The following PTPRT variants were observed in gnomAD, a reference collection of about 807,000 sequenced individuals.
The protein encoded by PTPRT is protein tyrosine phosphatase receptor type T.
Under a neutral mutation model 176.8 loss-of-function variants are expected in PTPRT, and 56 were observed. The observed-to-expected ratio is 0.32, with a 90% CI of 0.26 to 0.40. The LOEUF is 0.40. PTPRT is among the 10% of genes least tolerant of loss of function. The probability of loss-of-function intolerance (pLI) is 1.00; values close to 1 mark genes in which losing one functional copy is unlikely to be tolerated. For synonymous variants in PTPRT, 783 were observed against 739.0 expected, an observed-to-expected ratio of 1.06 and a Z score of -0.96; for missense variants, 1,540 against 1,908.2, an observed-to-expected ratio of 0.81 and a Z score of 3.60.
At chr20:42,072,003 G>A (rs1324689930), downstream of PTPRT, among the ~76,000 whole-genome samples, 1 of 152,206 alleles carries the variant, frequency 6.6e-6, no homozygotes, top group Non-Finnish European at 1.5e-5. Context: ...TCTATGTCAA[G>A]AAGTAGAATC....
In PTPRT at chr20:42,076,769, A is replaced by G; in HGVS notation, c.*4110T>C. The G allele has an allele frequency of 4.9e-6, 1 of 202,334 alleles. No individual in the cohort carries two copies. Among genetic ancestry groups the G allele is most frequent in the Non-Finnish European group, 1.0e-5 (1 of 98,516 alleles). 12.5% of individuals were successfully genotyped at this position (202,334 alleles called of 1,614,324 possible). On this transcript the variant is annotated 3_prime_UTR_variant, in exon 31 of 31. Coordinates refer to ENST00000373187, the MANE Select transcript of PTPRT (RefSeq NM_007050.6). ...GAAATATTCATAGAGTCATATTAAA[A>G]CCAACAAGGCTAAATCAGAAAGTGG... is the stretch of plus-strand genomic sequence containing the variant.
At chr20:42,579,063 C>G (rs1350012129) in intron 7 of PTPRT, among the ~76,000 whole-genome samples, 2 of 115,880 alleles carry the variant, frequency 1.7e-5, no homozygotes, top group African/African-American at 6.6e-5. Context: ...CCCCCCTCCC[C>G]CCACCCCACA....
At chr20:42,422,500 C>A (rs1465794176) in intron 9 of PTPRT, among the ~76,000 whole-genome samples, 1 of 152,174 alleles carries the variant, frequency 6.6e-6, no homozygotes, top group African/African-American at 2.4e-5. Flanking sequence ...CCATGAGATA[C>A]CATCTGACAC....
At chr20:42,721,951 T>C (rs1286482507) in intron 6 of PTPRT, among the ~76,000 whole-genome samples, 2 of 152,210 alleles carry the variant, frequency 1.3e-5, no homozygotes, top group Admixed American at 1.3e-4. Flanking sequence ...TGAAATTGTG[T>C]CTGTCTTGAT....
intron 1 of PTPRT, among the ~76,000 whole-genome samples, chr20:43,019,334 G>A (rs1277724234): frequency 6.6e-6 from 1 of 152,026 alleles, no homozygotes; most frequent in Non-Finnish European, 1.5e-5. Flanking sequence ...GAATAATTGG[G>A]CTGTGGCCGG....
At chr20:43,051,624 G>GTAAAAAAAAAAA (rs1987044294) in intron 1 of PTPRT, among the ~76,000 whole-genome samples, 1 of 48,292 alleles carries the variant, frequency 2.1e-5, no homozygotes. Flanking sequence ...CTCTGTAACT[G>GTAAAAAAAAAAA]TAAAAAAAAA....
intron 2 of PTPRT, among the ~76,000 whole-genome samples, chr20:42,848,391 C>T (rs193204536): frequency 1.3e-5 from 2 of 152,180 alleles, no homozygotes; most frequent in Non-Finnish European, 2.9e-5. Flanking sequence ...CTTTAAGGAA[C>T]CTCCACACTG....
chr20:42,234,800 G>T (rs1568694896), intron 15 of PTPRT, among the ~76,000 whole-genome samples: 1 of 152,202 alleles, frequency 6.6e-6, no homozygotes. Flanking sequence ...GGTGATGGGG[G>T]CCCATTTGTT....
chr20:42,877,473 C>G (rs2078952454), intron 2 of PTPRT, among the ~76,000 whole-genome samples: 1 of 152,010 alleles, frequency 6.6e-6, no homozygotes, highest in African/African-American at 2.4e-5. Context: ...GACTGGACTC[C>G]CAAAACAATA....
intron 2 of PTPRT, among the ~76,000 whole-genome samples, chr20:42,838,952 C>T (rs2078229281): frequency 6.6e-6 from 1 of 152,074 alleles, no homozygotes; most frequent in South Asian, 2.1e-4. Context: ...ACCTTTGGTC[C>T]CCAGGGTTGG....
At chr20:42,899,562 T>C (rs974778478) in intron 1 of PTPRT, among the ~76,000 whole-genome samples, 5 of 152,238 alleles carry the variant, frequency 3.3e-5, no homozygotes, top group Non-Finnish European at 5.9e-5. Context: ...GACGAGGCTG[T>C]TTCTCAAACG....
At chr20:42,516,975 C>A (rs1601173535) in intron 7 of PTPRT, among the ~76,000 whole-genome samples, 1 of 152,046 alleles carries the variant, frequency 6.6e-6, no homozygotes, top group East Asian at 1.9e-4. Flanking sequence ...TCTGAATGTG[C>A]ATAAGAAAAT....
intron 17 of PTPRT, among the ~76,000 whole-genome samples, chr20:42,156,722 A>G (rs1989370994): frequency 6.6e-6 from 1 of 152,232 alleles, no homozygotes; most frequent in African/African-American, 2.4e-5. Flanking sequence ...TCCTTTTGTA[A>G]CATACACCAT....
intron 7 of PTPRT, among the ~76,000 whole-genome samples, chr20:42,477,872 T>C (rs758558076): frequency 5.0e-4 from 76 of 152,218 alleles, no homozygotes; most frequent in Non-Finnish European, 5.7e-4. Flanking sequence ...AGTGGCCTTG[T>C]CCTATGCCCT....
intron 7 of PTPRT, among the ~76,000 whole-genome samples, chr20:42,655,984 C>T (rs996668139): frequency 1.3e-5 from 2 of 152,192 alleles, no homozygotes; most frequent in African/African-American, 4.8e-5. Context: ...GGACACAGCC[C>T]TAAGAAATAC....
intron 2 of PTPRT, among the ~76,000 whole-genome samples, chr20:42,820,452 C>T (rs866949609): frequency 2.5e-4 from 38 of 152,176 alleles, no homozygotes; most frequent in African/African-American, 8.7e-4. Flanking sequence ...ACTAAATGCC[C>T]ACATCAGAAT....
chr20:42,545,074 G>A (rs561966986), intron 7 of PTPRT, among the ~76,000 whole-genome samples: 4 of 152,236 alleles, frequency 2.6e-5, no homozygotes, highest in African/African-American at 9.6e-5. Flanking sequence ...GTGCCTCAGG[G>A]CTCTGTTTTC....
At chr20:43,040,967 G>A (rs898261402) in intron 1 of PTPRT, among the ~76,000 whole-genome samples, 3 of 152,170 alleles carry the variant, frequency 2.0e-5, no homozygotes, top group East Asian at 1.9e-4. Flanking sequence ...GTGGCACCCC[G>A]ACCAGCAGCA....
chr20:42,894,230 G>A (rs920083370), intron 1 of PTPRT, among the ~76,000 whole-genome samples: 8 of 152,122 alleles, frequency 5.3e-5, no homozygotes, highest in African/African-American at 1.9e-4. Context: ...GTATTTGCGA[G>A]AGGACCAGAA....
Sources: gnomAD v4.1 joint callset for allele counts (sites outside exome capture counted in the v4.1 genomes callset) on GRCh38, gnomAD v4.1.1 for gene constraint, MANE v1.5 for transcripts, NCBI Gene and HGNC (gene_info 2026-07-23, HGNC 2026-07-21) for gene names.